Variants in DMD observed in about 807,000 individuals in gnomAD.
DMD encodes mutant dystrophin.
DMD carries 63 observed loss-of-function variants against 330.1 expected under a neutral mutation model. The ratio of observed to expected loss-of-function variants is 0.19; its 90% CI spans 0.16 to 0.24. DMD has a LOEUF of 0.24. Ranked by LOEUF, DMD falls within the 10% of genes least tolerant of loss-of-function variation. DMD has a pLI of 1.00. For synonymous variants in DMD, 1,223 were observed against 959.8 expected, an observed-to-expected ratio of 1.27 and a Z score of -5.07; for missense variants, 3,344 against 2,684.1, an observed-to-expected ratio of 1.25 and a Z score of -5.43.
intron 1 of DMD, among the ~76,000 whole-genome samples, chrX:33,185,898 T>C (rs756191460): frequency 8.9e-6 from 1 of 112,482 alleles, no homozygotes; most frequent in Admixed American, 9.4e-5. Context: ...TTTGGGAAAC[T>C]AGGTTAAAAG....
intron 60 of DMD, among the ~76,000 whole-genome samples, chrX:31,424,279 C>T (rs756208105): frequency 4.5e-5 from 5 of 111,909 alleles, no homozygotes; most frequent in African/African-American, 1.3e-4. Context: ...CTTATCCACA[C>T]CATTTTCCCC....
intron 55 of DMD, among the ~76,000 whole-genome samples, chrX:31,566,425 T>G (rs2147894748): frequency 8.9e-6 from 1 of 111,991 alleles, no homozygotes; most frequent in East Asian, 2.8e-4. Context: ...GGTCTGTTTT[T>G]GGGTTCTCTA....
chrX:31,574,134 G>GTTTTT (rs748095057), intron 55 of DMD, among the ~76,000 whole-genome samples: 18 of 83,164 alleles, frequency 2.2e-4, no homozygotes, highest in East Asian at 4.1e-4. Context: ...TGATCTGTTT[G>GTTTTT]TTTTTTTTTT....
chrX:31,610,515 C>A (rs1475867709), intron 55 of DMD, among the ~76,000 whole-genome samples: 3 of 112,085 alleles, frequency 2.7e-5, no homozygotes, highest in African/African-American at 9.7e-5. Flanking sequence ...ATACAGTAAA[C>A]ACACATACAC....
chrX:31,749,953 T>C (rs1269555711), intron 51 of DMD, among the ~76,000 whole-genome samples: 3 of 107,574 alleles, frequency 2.8e-5, no homozygotes, highest in Non-Finnish European at 5.8e-5. Flanking sequence ...TTTTGAGAAG[T>C]GTCTGTTCAT....
chrX:31,791,548 G>A (rs775438567), intron 50 of DMD, among the ~76,000 whole-genome samples: 5 of 111,707 alleles, frequency 4.5e-5, no homozygotes, highest in African/African-American at 6.5e-5. Context: ...AATCCTATAT[G>A]ACCATATCCA....
At chrX:31,364,027 G>A (rs894422223) in intron 60 of DMD, among the ~76,000 whole-genome samples, 1 of 112,529 alleles carries the variant, frequency 8.9e-6, no homozygotes, top group Non-Finnish European at 1.9e-5. Context: ...TAACAGTCCC[G>A]AGTTATATAC....
At chrX:31,371,302 T>C (rs1049775916) in intron 60 of DMD, among the ~76,000 whole-genome samples, 13 of 101,255 alleles carry the variant, frequency 1.3e-4, no homozygotes, top group South Asian at 3.8e-4. Flanking sequence ...ATTAGTTATA[T>C]TGAATATTAA....
chrX:32,043,337 T>C (rs1285017283), intron 44 of DMD, among the ~76,000 whole-genome samples: 1 of 111,430 alleles, frequency 9.0e-6, no homozygotes, highest in Non-Finnish European at 1.9e-5. Context: ...GCTCAGTGGA[T>C]AGTGACTTTT....
intron 27 of DMD, among the ~76,000 whole-genome samples, chrX:32,445,071 C>G (rs2098297639): frequency 9.0e-6 from 1 of 111,582 alleles, no homozygotes; most frequent in Non-Finnish European, 1.9e-5. Context: ...GTTAAAAAGA[C>G]ATAATATTCA....
At chrX:32,929,610 C>T (rs2146674558) in intron 2 of DMD, among the ~76,000 whole-genome samples, 1 of 111,245 alleles carries the variant, frequency 9.0e-6, no homozygotes, top group African/African-American at 3.3e-5. Context: ...ATGTGCAGAA[C>T]GTGCAGGTTT....
At chrX:33,065,881 T>C (rs2094646547) in intron 1 of DMD, among the ~76,000 whole-genome samples, 1 of 111,945 alleles carries the variant, frequency 8.9e-6, no homozygotes, top group African/African-American at 3.2e-5. Flanking sequence ...TACAACTGTG[T>C]GTTTAGACAA....
intron 60 of DMD, among the ~76,000 whole-genome samples, chrX:31,353,573 C>T (rs747070114): frequency 1.8e-5 from 2 of 112,086 alleles, no homozygotes; most frequent in South Asian, 3.7e-4. Flanking sequence ...AGCAAATAAA[C>T]TCTTGGATTT....
intron 7 of DMD, among the ~76,000 whole-genome samples, chrX:32,742,486 G>C (rs1370964009): frequency 1.8e-5 from 2 of 111,205 alleles, no homozygotes; most frequent in African/African-American, 3.3e-5. Flanking sequence ...GGAAAAATGC[G>C]AGGTAGAGAA....
intron 55 of DMD, among the ~76,000 whole-genome samples, chrX:31,531,735 G>A (rs1248201012): frequency 9.1e-6 from 1 of 109,541 alleles, no homozygotes; most frequent in Non-Finnish European, 1.9e-5. Flanking sequence ...GAAAAACTTT[G>A]AAAAAAATTT....
At chrX:32,054,608 T>G (rs2096151524) in intron 44 of DMD, among the ~76,000 whole-genome samples, 1 of 108,564 alleles carries the variant, frequency 9.2e-6, no homozygotes, top group African/African-American at 3.4e-5. Context: ...ATAACAAGTG[T>G]TTGCCAAAGC....
intron 41 of DMD, among the ~76,000 whole-genome samples, chrX:32,336,187 G>T (rs62590689): frequency 1.8e-5 from 2 of 108,509 alleles, no homozygotes; most frequent in Admixed American, 9.9e-5. Context: ...TATATGTATA[G>T]CATGTCATAT....
At chrX:32,600,493 C>T (rs1332794765) in intron 12 of DMD, among the ~76,000 whole-genome samples, 2 of 89,585 alleles carry the variant, frequency 2.2e-5, no homozygotes, top group Non-Finnish European at 2.1e-5. Context: ...CAGCTGTTAC[C>T]TATATGTAAA....
At chrX:32,735,102 G>A (rs1213071448) in intron 7 of DMD, among the ~76,000 whole-genome samples, 1 of 109,354 alleles carries the variant, frequency 9.1e-6, no homozygotes, top group Admixed American at 9.7e-5. Context: ...AAAATCACAA[G>A]CATTCTTATA....
Sources: gnomAD v4.1 joint callset for allele counts (sites outside exome capture counted in the v4.1 genomes callset) on GRCh38, gnomAD v4.1.1 for gene constraint, MANE v1.5 for transcripts, NCBI Gene and HGNC (gene_info 2026-07-23, HGNC 2026-07-21) for gene names.